Variants in PRR11 observed in about 807,000 individuals in gnomAD.
PRR11 encodes proline rich 11, also known as proline-rich protein 11.
A neutral mutation model predicts 45.6 loss-of-function variants in PRR11; 30 were observed. That is an observed-to-expected ratio of 0.66 (90% CI 0.49 to 0.89). PRR11 has a LOEUF of 0.89. PRR11 is among the 40% of genes least tolerant of loss of function. PRR11 has a pLI of 0.00. For synonymous variants in PRR11, 128 were observed against 153.5 expected, an observed-to-expected ratio of 0.83 and a Z score of 1.23; for missense variants, 373 against 424.8, an observed-to-expected ratio of 0.88 and a Z score of 1.07.
intron 4 of PRR11, among the ~76,000 whole-genome samples, chr17:59,188,942 AAATAATAATAATAAT>A (rs56917280): frequency 6.9e-5 from 10 of 144,344 alleles, no homozygotes; most frequent in South Asian, 4.4e-4. Flanking sequence ...TGTGTCTCAA[AAATAATAATAATAAT>A]AATAATAATA....
chr17:59,187,512 G>A (rs1402374297), intron 4 of PRR11, among the ~76,000 whole-genome samples: 2 of 152,022 alleles, frequency 1.3e-5, no homozygotes, highest in African/African-American at 2.4e-5. Flanking sequence ...AGAGGTTGCA[G>A]TGAGCTGAGA....
chr17:59,182,377 C>A (rs1416304976), intron 2 of PRR11, among the ~76,000 whole-genome samples: 3 of 147,034 alleles, frequency 2.0e-5, no homozygotes, highest in Non-Finnish European at 4.5e-5. Flanking sequence ...TCCTTCCTGA[C>A]CTCTGACCCT....
intron 9 of PRR11, among the ~76,000 whole-genome samples, chr17:59,200,720 C>G (rs751110986): frequency 9.9e-5 from 15 of 152,142 alleles, no homozygotes; most frequent in Non-Finnish European, 1.9e-4. Flanking sequence ...TCTCGATCTC[C>G]TGACCTTGTG....
chr17:59,176,057 T>G (rs907993311), intron 2 of PRR11, among the ~76,000 whole-genome samples: 19 of 152,110 alleles, frequency 1.2e-4, no homozygotes, highest in Non-Finnish European at 2.5e-4. Context: ...TACAAGCATG[T>G]AAAAGTTGCA....
intron 1 of PRR11, among the ~76,000 whole-genome samples, chr17:59,162,486 C>G (rs915258664): frequency 6.6e-6 from 1 of 152,064 alleles, no homozygotes; most frequent in Non-Finnish European, 1.5e-5. Flanking sequence ...AAATACAATA[C>G]AAGCCTTATT....
rs190826195 is a variant in PRR11 at position 59,197,764 on chromosome 17, C to T, written c.989C>T (p.Thr330Met). Residue 330 changes from threonine to methionine, a missense_variant, in exon 9 of 10, where the codon ACG becomes ATG. By Grantham distance (81) the Thr-to-Met change is moderately conservative. Transcript: ENST00000262293. ...ETGTGLTPVM[T>M]QALRRKFQLA... is the part of the protein sequence containing the mutation. Reference sequence around the variant, plus strand: ...GGAACAGGACTGACTCCAGTGATGACGCAGGCCTTAAGGAGAAAGTTTCAG... The same window carrying T: ...GGAACAGGACTGACTCCAGTGATGATGCAGGCCTTAAGGAGAAAGTTTCAG... 284 of 1,613,716 alleles carry T rather than the reference C, an allele frequency of 1.8e-4. No homozygotes were observed. The South Asian group carries it at 1.9e-3, about 11-fold the overall frequency.
chr17:59,191,192 C>A (rs557023540), intron 4 of PRR11, among the ~76,000 whole-genome samples: 6 of 150,972 alleles, frequency 4.0e-5, no homozygotes, highest in African/African-American at 1.5e-4. Flanking sequence ...GATAAATACT[C>A]CATGTTTCTT....
At position 59,169,737 on chromosome 17, in the gene PRR11, T is replaced by C. The variant is rs557149964; in HGVS notation, c.-5-11T>C. 1 of 1,569,740 alleles carries C rather than the reference T, an allele frequency of 6.4e-7. No individual in the cohort carries two copies. The highest frequency in any genetic ancestry group is 2.3e-5 in the East Asian group (1 of 44,350). ...TTCTTCAATTAAAAATGTAAAAAAA[T>C]TTCTCTGCAGAAATCATGCCCAAGT... On this transcript the variant is annotated splice_polypyrimidine_tract_variant and intron_variant, in intron 1 of 9. Coordinates refer to ENST00000262293, the MANE Select transcript of PRR11 (RefSeq NM_018304.4).
chr17:59,188,272 C>T (rs1466297970), intron 4 of PRR11, among the ~76,000 whole-genome samples: 1 of 152,080 alleles, frequency 6.6e-6, no homozygotes, highest in Non-Finnish European at 1.5e-5. Context: ...ATTGACAGAA[C>T]AAACAAATCA....
At chr17:59,189,734 C>T (rs1032799871) in intron 4 of PRR11, among the ~76,000 whole-genome samples, 2 of 152,166 alleles carry the variant, frequency 1.3e-5, no homozygotes, top group African/African-American at 4.8e-5. Context: ...GATTTTGGTT[C>T]TGGAAGTAAA....
At chr17:59,178,015 A>C (rs867345209) in intron 2 of PRR11, among the ~76,000 whole-genome samples, 7 of 151,738 alleles carry the variant, frequency 4.6e-5, no homozygotes, top group African/African-American at 1.2e-4. Context: ...AAAAAAAAAA[A>C]AACAGGTGGG....
chr17:59,191,220 CTTTTTTTT>C (rs60012514), intron 4 of PRR11, among the ~76,000 whole-genome samples: 12 of 98,198 alleles, frequency 1.2e-4, no homozygotes, highest in Non-Finnish European at 2.1e-4. Context: ...TTCTTTTTTT[CTTTTTTTT>C]TTTTTTTTGA....
At chr17:59,183,465 A>G (rs553387802) in intron 2 of PRR11, among the ~76,000 whole-genome samples, 1 of 152,332 alleles carries the variant, frequency 6.6e-6, no homozygotes, top group East Asian at 1.9e-4. Context: ...CAGAGCACTC[A>G]ATTTGGCAGA....
rs531213780 is a variant in PRR11, at chr17:59,193,475, G to A, written c.403-17G>A. 1 of 1,613,370 alleles carries A rather than the reference G, an allele frequency of 6.2e-7. No individual in the cohort carries two copies. Among genetic ancestry groups the A allele is most frequent in the South Asian group, 1.1e-5 (1 of 91,070 alleles). ...TTAACTTGTTATTTATTTGCCAAAT[G>A]TGATGTCTTCTTCCAGACCATCTCA... On this transcript the variant is annotated splice_polypyrimidine_tract_variant and intron_variant, in intron 4 of 9. Transcript: ENST00000262293.
At chr17:59,179,922 G>T in intron 2 of PRR11, 1 of 1,299,850 alleles carries the variant, frequency 7.7e-7, no homozygotes, top group Admixed American at 1.7e-5. Context: ...TTCTGCAATT[G>T]AACTCCTTAG....
At chr17:59,171,286 A>T (rs1453062426) in intron 2 of PRR11, among the ~76,000 whole-genome samples, 1 of 152,234 alleles carries the variant, frequency 6.6e-6, no homozygotes, top group Non-Finnish European at 1.5e-5. Flanking sequence ...GTAACATACA[A>T]ACATGACAAT....
At chr17:59,186,439 A>C (rs934227203) in intron 4 of PRR11, among the ~76,000 whole-genome samples, 2 of 128,978 alleles carry the variant, frequency 1.6e-5, no homozygotes, top group East Asian at 4.4e-4. Flanking sequence ...TCTGTTACAC[A>C]GGCTAGAGTG....
chr17:59,167,991 C>G (rs763607187), intron 1 of PRR11, among the ~76,000 whole-genome samples: 7 of 152,054 alleles, frequency 4.6e-5, no homozygotes, highest in Non-Finnish European at 1.0e-4. Flanking sequence ...TCATTTTACC[C>G]AGCTCCTATT....
chr17:59,179,674 G>T, intron 2 of PRR11: 1 of 1,474,188 alleles, frequency 6.8e-7, no homozygotes, highest in South Asian at 1.1e-5. Flanking sequence ...AAGTCTCGTG[G>T]TGCTCAGGGA....
Sources: gnomAD v4.1 joint callset for allele counts (sites outside exome capture counted in the v4.1 genomes callset) on GRCh38, gnomAD v4.1.1 for gene constraint, MANE v1.5 for transcripts, NCBI Gene and HGNC (gene_info 2026-07-23, HGNC 2026-07-21) for gene names.